B3GALT1: variants seen among roughly 807,000 people sequenced by gnomAD.
B3GALT1 encodes the protein UDP-Gal:betaGlcNAc beta 1,3-galactosyltransferase, polypeptide 1.
Under a neutral mutation model 23.2 loss-of-function variants are expected in B3GALT1, and 10 were observed. That is an observed-to-expected ratio of 0.43 (90% CI 0.27 to 0.73). B3GALT1 has a LOEUF of 0.73. B3GALT1 is among the 30% of genes least tolerant of loss of function. The pLI is 0.21. For missense variants in B3GALT1, 299 were observed against 405.4 expected (o/e 0.74, Z 2.25); for synonymous variants, 156 against 141.5 (o/e 1.10, Z -0.73).
chr2:167,448,200 C>A (rs1412991656), intron 1 of B3GALT1, among the ~76,000 whole-genome samples: 1 of 152,158 alleles, frequency 6.6e-6, no homozygotes, highest in Admixed American at 6.5e-5. Context: ...GATATCCTCA[C>A]TGTTGTCCTT....
At chr2:167,533,906 G>A (rs1683372147) in intron 2 of B3GALT1, among the ~76,000 whole-genome samples, 1 of 152,112 alleles carries the variant, frequency 6.6e-6, no homozygotes, top group African/African-American at 2.4e-5. Flanking sequence ...TTAGACAGGT[G>A]TACTATTCAA....
At chr2:167,605,537 G>A (rs1403330701) in intron 2 of B3GALT1, among the ~76,000 whole-genome samples, 1 of 152,116 alleles carries the variant, frequency 6.6e-6, no homozygotes, top group Non-Finnish European at 1.5e-5. Context: ...TATGTCCTGT[G>A]GGTTTCACAT....
chr2:167,507,850 T>TA (rs1699944709), intron 2 of B3GALT1, among the ~76,000 whole-genome samples: 1 of 152,220 alleles, frequency 6.6e-6, no homozygotes, highest in Admixed American at 6.5e-5. Flanking sequence ...TTGTACTTAG[T>TA]GAATGTCTTA....
chr2:167,547,663 C>T (rs1237906), intron 2 of B3GALT1, among the ~76,000 whole-genome samples: 3,138 of 145,214 alleles, frequency 0.022, 112 homozygotes, highest in African/African-American at 0.078. Flanking sequence ...CACTGTACTC[C>T]GGCCTGGGCA....
chr2:167,466,985 C>T (rs1202797033), intron 1 of B3GALT1, among the ~76,000 whole-genome samples: 1 of 151,190 alleles, frequency 6.6e-6, no homozygotes, highest in Non-Finnish European at 1.5e-5. Context: ...GCCTCAGCCT[C>T]CCAGGGTGCT....
At chr2:167,501,484 A>T (rs1699846714) in intron 2 of B3GALT1, among the ~76,000 whole-genome samples, 1 of 151,950 alleles carries the variant, frequency 6.6e-6, no homozygotes, top group Non-Finnish European at 1.5e-5. Context: ...GCTTTTTAAA[A>T]AAATTTCTGA....
intron 2 of B3GALT1, among the ~76,000 whole-genome samples, chr2:167,620,628 G>T (rs1685238545): frequency 6.6e-6 from 1 of 152,060 alleles, no homozygotes; most frequent in African/African-American, 2.4e-5. Flanking sequence ...CACAGTCACA[G>T]AGTGGTGAAA....
At chr2:167,662,398 C>G (rs935666983) in intron 3 of B3GALT1, among the ~76,000 whole-genome samples, 1 of 151,924 alleles carries the variant, frequency 6.6e-6, no homozygotes, top group Non-Finnish European at 1.5e-5. Flanking sequence ...TTTCATATGC[C>G]CTCTGTCCCC....
At chr2:167,621,469 C>T (rs142807988) in intron 2 of B3GALT1, among the ~76,000 whole-genome samples, 2 of 152,026 alleles carry the variant, frequency 1.3e-5, no homozygotes, top group African/African-American at 4.8e-5. Context: ...ATTGATGAAC[C>T]TTTCTGCCAC....
intron 1 of B3GALT1, among the ~76,000 whole-genome samples, chr2:167,393,654 A>T (rs1412697977): frequency 6.6e-6 from 1 of 152,202 alleles, no homozygotes; most frequent in Non-Finnish European, 1.5e-5. Flanking sequence ...CTCAGTAAAG[A>T]TGATCTGTTT....
chr2:167,731,975 T>G (rs1441860578), intron 3 of B3GALT1, among the ~76,000 whole-genome samples: 1 of 152,240 alleles, frequency 6.6e-6, no homozygotes, highest in Non-Finnish European at 1.5e-5. Context: ...TATGACGATT[T>G]GGTGAAACAC....
In B3GALT1 at chr2:167,653,640, G is replaced by C. The variant is rs773330469; in HGVS notation, c.-352+6674G>C. ...CATTCCTTCAGCATGATATTTACAGGAGATGTTGCAGGCTCACGCTCCTAA... is the reference window on the plus strand; with the variant it reads ...CATTCCTTCAGCATGATATTTACAGCAGATGTTGCAGGCTCACGCTCCTAA... On this transcript the variant is annotated intron_variant, in intron 3 of 4. Coordinates refer to ENST00000392690, the MANE Select transcript of B3GALT1 (RefSeq NM_020981.4). Among the ~76,000 whole-genome samples the C allele has an allele frequency of 4.6e-5, 7 of 152,116 alleles. 1 individual carries two copies. The South Asian group carries it at 1.4e-3, about 32-fold the overall frequency.
At chr2:167,393,251 A>G (rs1698046634) in intron 1 of B3GALT1, among the ~76,000 whole-genome samples, 1 of 151,620 alleles carries the variant, frequency 6.6e-6, no homozygotes, top group Non-Finnish European at 1.5e-5. Context: ...AAAAAAAAAA[A>G]AGAAATGTTT....
intron 3 of B3GALT1, among the ~76,000 whole-genome samples, chr2:167,725,783 T>C (rs1687302677): frequency 6.6e-6 from 1 of 151,636 alleles, no homozygotes; most frequent in Non-Finnish European, 1.5e-5. Context: ...TCCAGCATCA[T>C]AGTAGTGTTC....
At chr2:167,512,818 A>C (rs995178883) in intron 2 of B3GALT1, among the ~76,000 whole-genome samples, 8 of 146,914 alleles carry the variant, frequency 5.4e-5, no homozygotes, top group African/African-American at 2.0e-4. Context: ...TAATTTTTTT[A>C]TTTGTTGTAG....
chr2:167,608,894 T>C (rs556284106), intron 2 of B3GALT1, among the ~76,000 whole-genome samples: 125 of 152,290 alleles, frequency 8.2e-4, no homozygotes, highest in African/African-American at 3.0e-3. Context: ...GAGAGGTTTG[T>C]ATTATGCTAC....
rs1405065669 is a variant in B3GALT1, at chr2:167,872,328, C to T, written c.*2308C>T. ...AAAACACGATCTCTCATCCCCCACC[C>T]GAAAGGACCTGATATGAGACAAGAC... On this transcript the variant is annotated 3_prime_UTR_variant, in exon 5 of 5. Coordinates refer to ENST00000392690, the MANE Select transcript of B3GALT1 (RefSeq NM_020981.4). 6.6e-6 allele frequency: 1 copy of T among 152,176 alleles called. No homozygotes were observed. Among genetic ancestry groups the T allele is most frequent in the Non-Finnish European group, 1.5e-5 (1 of 68,068 alleles). The allele number at this position is 152,176 out of a possible 1,614,324, so 9.4% of individuals were successfully genotyped here.
At chr2:167,522,750 A>C (rs1700209036) in intron 2 of B3GALT1, among the ~76,000 whole-genome samples, 1 of 152,178 alleles carries the variant, frequency 6.6e-6, no homozygotes, top group African/African-American at 2.4e-5. Context: ...TAACCTTCCC[A>C]AGTCCAAAAT....
chr2:167,722,274 G>A (rs1422121402), intron 3 of B3GALT1, among the ~76,000 whole-genome samples: 1 of 152,206 alleles, frequency 6.6e-6, no homozygotes, highest in Admixed American at 6.5e-5. Context: ...ATGAATCTAT[G>A]TAATACTTTA....
Sources: allele counts gnomAD v4.1 joint callset (sites outside exome capture counted in the v4.1 genomes callset), GRCh38; gene constraint gnomAD v4.1.1; transcripts MANE v1.5; gene names NCBI Gene and HGNC (gene_info 2026-07-23, HGNC 2026-07-21).